NARS1: variants seen among roughly 807,000 people sequenced by gnomAD.
NARS1 encodes asparagine--tRNA ligase, cytoplasmic.
Under a neutral mutation model 79.2 loss-of-function variants are expected in NARS1, and 65 were observed. That is an observed-to-expected ratio of 0.82 (90% confidence interval 0.67 to 1.01). The LOEUF (loss-of-function observed/expected upper bound fraction) is 1.01, where lower values mean the gene tolerates loss of function less well. Ranked by LOEUF, NARS1 falls within the 50% of genes least tolerant of loss-of-function variation. The probability of loss-of-function intolerance (pLI) is 0.00; values close to 1 mark genes in which losing one functional copy is unlikely to be tolerated. For missense variants in NARS1, 649 were observed against 673.8 expected (o/e 0.96, Z 0.41); for synonymous variants, 229 against 238.8 (o/e 0.96, Z 0.38).
Position 57,615,868 on chromosome 18 carries a change from T to C in NARS1, c.201A>G (p.Lys67=), listed in dbSNP as rs1340326980. The change falls in exon 3 of 14, where the codon AAA becomes AAG. Residue 67 remains lysine (K), a synonymous_variant. Coordinates refer to ENST00000256854, the MANE Select transcript of NARS1 (RefSeq NM_004539.4). ...TCATTTGTTCCCTATGCCACATCTT[T>C]TTAATGTTCTTCAACTGTGATTTAG... ...VISKSQLKNI[K]KMWHREQMKS... 6.2e-7 allele frequency: 1 copy of C among 1,613,598 alleles called. No homozygotes were observed. The highest frequency in any genetic ancestry group is 2.2e-5 in the East Asian group (1 of 44,880).
chr18:57,616,044 C>T lies in NARS1; in HGVS notation c.94-69G>A, dbSNP rs770001725. 5.8e-6 allele frequency: 8 copies of T among 1,370,112 alleles called. No homozygotes were observed. In the South Asian group the frequency reaches 1.1e-4, roughly 20 times the overall value. The allele number at this position is 1,370,112 out of a possible 1,614,324, so 84.9% of individuals were successfully genotyped here. Reference sequence around the variant, plus strand: ...AATACTTAAAATCAAAATAACATCTCAAGTATAAGGCAACTGGAACAATCT... The same window carrying T: ...AATACTTAAAATCAAAATAACATCTTAAGTATAAGGCAACTGGAACAATCT... On this transcript the variant is annotated intron_variant, in intron 2 of 13. Coordinates refer to ENST00000256854, the MANE Select transcript of NARS1 (RefSeq NM_004539.4).
chr18:57,600,911 G>A lies in NARS1; in HGVS notation c.*741C>T, dbSNP rs1480659736. On this transcript the variant is annotated 3_prime_UTR_variant, in exon 14 of 14. Transcript: ENST00000256854. ...ATTCTTAATTACTTAGGAATTACCA[G>A]GAAAGAGGGAAAATCAATCTGCCTC... 1 of 152,140 alleles carries A rather than the reference G, an allele frequency of 6.6e-6. No individual in the cohort carries two copies. The highest frequency in any genetic ancestry group is 6.5e-5 in the Admixed American group (1 of 15,272). 9.4% of individuals were successfully genotyped at this position (152,140 alleles called of 1,614,324 possible).
intron 7 of NARS1, among the ~76,000 whole-genome samples, chr18:57,607,868 T>C (rs1198287615): frequency 1.3e-5 from 2 of 151,094 alleles, no homozygotes; most frequent in Non-Finnish European, 2.9e-5. Flanking sequence ...CACACAAATA[T>C]CTTTTTTTTT....
At position 57,607,317 on chromosome 18, in the gene NARS1, A is replaced by G. The variant is rs78898008; in HGVS notation, c.818T>C (p.Leu273Ser). 1.2e-6 allele frequency: 2 copies of G among 1,614,112 alleles called. No homozygotes were observed. The highest frequency in any genetic ancestry group is 1.7e-6 in the Non-Finnish European group (2 of 1,179,964). Residue 273 changes from leucine to serine, a missense_variant, in exon 9 of 14, where the codon TTA becomes TCA. Coordinates refer to ENST00000256854, the MANE Select transcript of NARS1 (RefSeq NM_004539.4). ...RGYYEVTPPTLVQTQVEGGAT... is the reference protein window; with the variant it reads ...RGYYEVTPPTSVQTQVEGGAT... ...ACCACCTTCTACTTGTGTTTGCACT[A>G]ATGTTGGAGGAGTAACCTGTTCAAA...
rs776556256 is a variant in NARS1 at position 57,620,640 on chromosome 18, C to T, written c.22G>A (p.Val8Ile). Residue 8 changes from valine to isoleucine, a missense_variant, in exon 2 of 14, where the codon GTC becomes ATC. Val to Ile is a conservative substitution (Grantham distance 29). Coordinates refer to ENST00000256854, the MANE Select transcript of NARS1 (RefSeq NM_004539.4). The stretch of plus-strand genomic sequence containing the variant: ...GCATCGCTTCCCTCTCGGTCAGAGA[C>T]GTACAGCTCTGCTGTTTGACAAAAT... Reference protein sequence around the residue: MVLAELYVSDREGSDATG... With the variant: MVLAELYISDREGSDATG... 1.2e-6 allele frequency: 2 copies of T among 1,612,130 alleles called. No individual in the cohort carries two copies. The highest frequency in any genetic ancestry group is 1.1e-5 in the South Asian group (1 of 90,962).
At chr18:57,618,974 G>C (rs1376692081) in intron 2 of NARS1, among the ~76,000 whole-genome samples, 1 of 152,146 alleles carries the variant, frequency 6.6e-6, no homozygotes, top group African/African-American at 2.4e-5. Flanking sequence ...TAACCATATG[G>C]TATGACCTAA....
chr18:57,604,441 T>C (rs1037974858), intron 11 of NARS1, among the ~76,000 whole-genome samples: 8 of 151,946 alleles, frequency 5.3e-5, no homozygotes, highest in African/African-American at 1.9e-4. Context: ...CAAGAGTGCT[T>C]TACATAGACC....
At chr18:57,617,435 G>A (rs1169740497) in intron 2 of NARS1, among the ~76,000 whole-genome samples, 1 of 151,772 alleles carries the variant, frequency 6.6e-6, no homozygotes, top group South Asian at 2.1e-4. Context: ...AGCCGGGTGT[G>A]GTGGCGGGCA....
In NARS1 at chr18:57,621,822, A is replaced by T. The variant is rs1908319305; in HGVS notation, c.-105T>A. On this transcript the variant is annotated 5_prime_UTR_variant, in exon 1 of 14. Transcript: ENST00000256854. ...GTTTCCGCGATTCCGGCGTTGCATC[A>T]GAGAGCGTAGATCTGAGGGCGCCTG... 6 of 1,584,666 alleles carry T rather than the reference A, an allele frequency of 3.8e-6. No individual in the cohort carries two copies. Among genetic ancestry groups the T allele is most frequent in the Non-Finnish European group, 5.1e-6 (6 of 1,168,838 alleles).
At position 57,602,961 on chromosome 18, in the gene NARS1, T is replaced by G. The variant is rs199930590; in HGVS notation, c.1252-18A>C. On this transcript the variant is annotated intron_variant, in intron 11 of 13. Transcript: ENST00000256854. The stretch of plus-strand genomic sequence containing the variant: ...GGGATATCCTGAGGTCAAACAAGAC[T>G]TCATTAACATTTACAACTTGGATCG... The G allele has an allele frequency of 2.8e-3, 4,544 of 1,613,494 alleles. 7 individuals are homozygous for G. The highest frequency in any genetic ancestry group is 3.6e-3 in the Non-Finnish European group (4,189 of 1,179,686).
intron 5 of NARS1, among the ~76,000 whole-genome samples, chr18:57,613,300 C>T (rs542028670): frequency 2.0e-5 from 3 of 152,012 alleles, no homozygotes; most frequent in South Asian, 2.1e-4. Context: ...CCAGAGCAGA[C>T]GGGCCAACAT....
chr18:57,612,747 T>C (rs985067801), intron 5 of NARS1, among the ~76,000 whole-genome samples: 10 of 152,240 alleles, frequency 6.6e-5, no homozygotes, highest in Admixed American at 5.2e-4. Context: ...GTCCCACTTT[T>C]CAATGAAAGA....
intron 4 of NARS1, among the ~76,000 whole-genome samples, chr18:57,614,425 C>T (rs987555065): frequency 7.8e-4 from 118 of 152,118 alleles, no homozygotes; most frequent in African/African-American, 2.4e-3. Flanking sequence ...CACTTGAACC[C>T]GGGAGGCGGA....
rs180843505 is a variant in NARS1, at chr18:57,610,248, G to A, written c.493-805C>T. On this transcript the variant is annotated intron_variant, in intron 6 of 13. Transcript: ENST00000256854. ...GCACTTTCGGAGGCCGAGGCGGGTG[G>A]ATCACCTGAGGTCAGGAGTTCAAGA... Among the ~76,000 whole-genome samples, 4 of 149,876 alleles carry A rather than the reference G, an allele frequency of 2.7e-5. No individual in the cohort carries two copies. In the East Asian group the frequency reaches 7.7e-4, roughly 29 times the overall value.
intron 2 of NARS1, among the ~76,000 whole-genome samples, chr18:57,620,015 T>C (rs578139214): frequency 6.6e-6 from 1 of 152,268 alleles, no homozygotes; most frequent in Non-Finnish European, 1.5e-5. Flanking sequence ...CAAACCCCTT[T>C]GAGAATGAGC....
rs2122414997 is a variant in NARS1, at chr18:57,601,155, G to A, written c.*497C>T. 1 of 152,978 alleles carries A rather than the reference G, an allele frequency of 6.5e-6. No homozygotes were observed. The highest frequency in any genetic ancestry group is 2.1e-4 in the South Asian group (1 of 4,868). The allele number at this position is 152,978 out of a possible 1,614,324, so 9.5% of individuals were successfully genotyped here. The stretch of plus-strand genomic sequence containing the variant: ...CTAGTGTTTACTGCTGAATTATACT[G>A]TGTTCTAATATGAGCAGATTTTTAT... On this transcript the variant is annotated 3_prime_UTR_variant, in exon 14 of 14. Transcript: ENST00000256854.
At chr18:57,605,081 G>A (rs541341084) in intron 11 of NARS1, among the ~76,000 whole-genome samples, 2 of 148,486 alleles carry the variant, frequency 1.3e-5, no homozygotes, top group African/African-American at 5.0e-5. Context: ...TTTGGGGGAG[G>A]GGATGAACCT....
chr18:57,621,662 C>T, intron 1 of NARS1, 46 bp downstream of exon 1: 1 of 1,585,696 alleles, frequency 6.3e-7, no homozygotes, highest in South Asian at 1.1e-5. Flanking sequence ...AGCAGAGTTC[C>T]TGCCCCAGGC....
At chr18:57,611,585 G>T in intron 6 of NARS1, 52 bp downstream of exon 6, 1 of 1,179,906 alleles carries the variant, frequency 8.5e-7, no homozygotes, top group Non-Finnish European at 1.2e-6. Flanking sequence ...AACAATAAAG[G>T]AATCTACTGA....
Sources: gnomAD v4.1 joint callset for allele counts (sites outside exome capture counted in the v4.1 genomes callset) on GRCh38, gnomAD v4.1.1 for gene constraint, MANE v1.5 for transcripts, NCBI Gene and HGNC (gene_info 2026-07-23, HGNC 2026-07-21) for gene names.